DOCK5: variants seen among roughly 807,000 people sequenced by gnomAD.
DOCK5 encodes dedicator of cytokinesis protein 5.
A neutral mutation model predicts 251.8 loss-of-function variants in DOCK5; 142 were observed. The ratio of observed to expected loss-of-function variants is 0.56; its 90% CI spans 0.49 to 0.65. The LOEUF is 0.65. Ranked by LOEUF, DOCK5 falls within the 30% of genes least tolerant of loss-of-function variation. The pLI is 0.00. For synonymous variants in DOCK5, 842 were observed against 835.5 expected, an observed-to-expected ratio of 1.01 and a Z score of -0.13; for missense variants, 2,111 against 2,312.3, an observed-to-expected ratio of 0.91 and a Z score of 1.79.
At chr8:25,397,382 C>T (rs1041816210) in intron 45 of DOCK5, among the ~76,000 whole-genome samples, 8 of 152,146 alleles carry the variant, frequency 5.3e-5, no homozygotes, top group South Asian at 2.1e-4. Context: ...TTGGAGCAGA[C>T]GGTGTAATTG....
intron 1 of DOCK5, among the ~76,000 whole-genome samples, chr8:25,215,990 A>G (rs1391094262): frequency 1.3e-5 from 2 of 151,640 alleles, no homozygotes; most frequent in East Asian, 1.9e-4. Flanking sequence ...ATATGAATAT[A>G]TATCTGCATA....
At chr8:25,198,571 C>CA (rs71214556) in intron 1 of DOCK5, among the ~76,000 whole-genome samples, 10,453 of 147,150 alleles carry the variant, frequency 0.071, 481 homozygotes, top group African/African-American at 0.12. Context: ...GACTCCATCT[C>CA]AAAAAAAAAA....
At chr8:25,301,592 C>T (rs939334522) in intron 9 of DOCK5, among the ~76,000 whole-genome samples, 1 of 151,562 alleles carries the variant, frequency 6.6e-6, no homozygotes, top group African/African-American at 2.4e-5. Context: ...TGGCTGGGCG[C>T]GGTGGCTCAT....
At chr8:25,312,026 A>G (rs1197601918) in intron 13 of DOCK5, among the ~76,000 whole-genome samples, 1 of 152,200 alleles carries the variant, frequency 6.6e-6, no homozygotes, top group Non-Finnish European at 1.5e-5. Flanking sequence ...CATTGTCTAC[A>G]TGTAGTGGGT....
intron 40 of DOCK5, among the ~76,000 whole-genome samples, chr8:25,383,761 A>AG (rs1252668176): frequency 1.3e-5 from 2 of 152,132 alleles, no homozygotes; most frequent in African/African-American, 4.8e-5. Flanking sequence ...AGGCTGAGGC[A>AG]GGGGAATTGC....
At chr8:25,185,746 G>A (rs553730242) in intron 1 of DOCK5, among the ~76,000 whole-genome samples, 1 of 152,194 alleles carries the variant, frequency 6.6e-6, no homozygotes, top group African/African-American at 2.4e-5. Context: ...GGAGAGCCCC[G>A]GGTTGTGCGC....
intron 42 of DOCK5, 48 bp downstream of exon 42, chr8:25,390,335 A>G: frequency 1.4e-6 from 2 of 1,456,768 alleles, no homozygotes; most frequent in Non-Finnish European, 1.9e-6. Flanking sequence ...GTCTAGGCAC[A>G]GTGGCTCACA....
chr8:25,309,024 A>G (rs986784068), intron 12 of DOCK5, 99 bp downstream of exon 12: 5 of 1,470,386 alleles, frequency 3.4e-6, no homozygotes, highest in Non-Finnish European at 4.5e-6. Flanking sequence ...TTTCTCTGAT[A>G]CAAAACAGCC....
chr8:25,334,817 C>A (rs1257164064), intron 21 of DOCK5, among the ~76,000 whole-genome samples: 1 of 151,886 alleles, frequency 6.6e-6, no homozygotes, highest in Non-Finnish European at 1.5e-5. Flanking sequence ...GGAGATCAAA[C>A]CATGAATTAA....
At chr8:25,321,100 C>T (rs749682959) in intron 16 of DOCK5, 48 bp downstream of exon 16, 11 of 1,548,156 alleles carry the variant, frequency 7.1e-6, no homozygotes, top group South Asian at 1.1e-5. Flanking sequence ...AAAAAATTTG[C>T]TCTGGCTTGA....
chr8:25,396,904 C>T (rs2117328718), intron 45 of DOCK5, among the ~76,000 whole-genome samples: 1 of 152,026 alleles, frequency 6.6e-6, no homozygotes, highest in Middle Eastern at 3.4e-3. Context: ...TCTCTGAGCT[C>T]CATATATCTG....
At chr8:25,341,915 T>C (rs1166999059) in intron 24 of DOCK5, 106 bp downstream of exon 24, 1 of 869,736 alleles carries the variant, frequency 1.1e-6, no homozygotes, top group African/African-American at 1.7e-5. Flanking sequence ...CTAAGAAGTA[T>C]TAACTGAATA....
At chr8:25,377,514 C>A in intron 38 of DOCK5, 90 bp downstream of exon 38, 1 of 1,446,814 alleles carries the variant, frequency 6.9e-7, no homozygotes, top group African/African-American at 1.4e-5. Flanking sequence ...TTGGAGTTAG[C>A]ACTGACTACC....
chr8:25,367,518 C>T (rs1586367423), intron 31 of DOCK5, among the ~76,000 whole-genome samples: 1 of 152,188 alleles, frequency 6.6e-6, no homozygotes, highest in Admixed American at 6.5e-5. Flanking sequence ...TAAAAAATAA[C>T]TTGAGGAATG....
Position 25,310,425 on chromosome 8 carries a change from A to G in DOCK5, c.1211A>G (p.Lys404Arg). The G allele has an allele frequency of 6.2e-7, 1 of 1,613,070 alleles. No homozygotes were observed. The highest frequency in any genetic ancestry group is 8.5e-7 in the Non-Finnish European group (1 of 1,179,656). ...HKGQGLWVSL[K>R]LLPGDLTQVQ... is the part of the protein sequence containing the mutation. Reference sequence around the variant, plus strand: ...TTTTAAGGCCTTTGGGTATCCTTGAAGCTCTTGCCCGGTGACCTCACCCAG... The same window carrying G: ...TTTTAAGGCCTTTGGGTATCCTTGAGGCTCTTGCCCGGTGACCTCACCCAG... Residue 404 changes from lysine (K) to arginine (R), a missense_variant, in exon 13 of 52, where the codon AAG becomes AGG. This residue lies in a region of DOCK5 where 1,717 missense variants were observed against 1,892.4 expected (regional missense o/e 0.91). Coordinates refer to ENST00000276440, the MANE Select transcript of DOCK5 (RefSeq NM_024940.8).
intron 5 of DOCK5, among the ~76,000 whole-genome samples, chr8:25,291,458 A>G (rs111286736): frequency 6.7e-4 from 102 of 152,120 alleles, no homozygotes; most frequent in African/African-American, 2.3e-3. Flanking sequence ...CAAGGCGGGC[A>G]GATCACTTGA....
rs147708333 is a variant in DOCK5, at chr8:25,410,146, C to T, written c.5452C>T (p.Pro1818Ser). 3 of 1,613,552 alleles carry T rather than the reference C, an allele frequency of 1.9e-6. No individual in the cohort carries two copies. Among genetic ancestry groups the T allele is most frequent in the African/African-American group, 1.3e-5 (1 of 74,862 alleles). The change falls in exon 51 of 52, where the codon CCT becomes TCT. Residue 1818 changes from proline (P) to serine (S), a missense_variant. Pro to Ser is a moderately conservative substitution (Grantham distance 74, BLOSUM62 -1). This residue lies in a region of DOCK5 where 1,717 missense variants were observed against 1,892.4 expected (regional missense o/e 0.91). Coordinates refer to ENST00000276440, the MANE Select transcript of DOCK5 (RefSeq NM_024940.8). ...TDGIAATPVPPPPPPKSKPYE... is the reference protein window; with the variant it reads ...TDGIAATPVPSPPPPKSKPYE... ...TGGAATCGCGGCCACTCCTGTCCCACCTCCACCTCCCCCCAAAAGCAAGCC... is the reference window on the plus strand; with the variant it reads ...TGGAATCGCGGCCACTCCTGTCCCATCTCCACCTCCCCCCAAAAGCAAGCC...
chr8:25,288,548 C>CTT (rs1393401433), intron 5 of DOCK5, among the ~76,000 whole-genome samples: 1 of 152,188 alleles, frequency 6.6e-6, no homozygotes, highest in African/African-American at 2.4e-5. Flanking sequence ...GTACCCCAAA[C>CTT]AAAGCACTGT....
At chr8:25,343,365 G>A (rs1272855589) in intron 25 of DOCK5, among the ~76,000 whole-genome samples, 1 of 152,016 alleles carries the variant, frequency 6.6e-6, no homozygotes, top group African/African-American at 2.4e-5. Flanking sequence ...TTGTTTGTTG[G>A]CAACATTAAT....
Sources: allele counts gnomAD v4.1 joint callset (sites outside exome capture counted in the v4.1 genomes callset), GRCh38; gene constraint gnomAD v4.1.1; regional missense constraint gnomAD v4.1.1; transcripts MANE v1.5; gene names NCBI Gene and HGNC (gene_info 2026-07-23, HGNC 2026-07-21).